Variants in TMEM232 observed in about 807,000 individuals in gnomAD.
TMEM232 encodes the protein transmembrane protein 232.
In TMEM232, 80 loss-of-function variants were observed where a neutral mutation model predicts 78.8. The observed-to-expected ratio is 1.01, with a 90% CI of 0.85 to 1.22. The LOEUF (loss-of-function observed/expected upper bound fraction) is 1.22, where lower values mean the gene tolerates loss of function less well. Ranked by LOEUF, TMEM232 falls within the 50% of genes most tolerant of loss-of-function variation. The pLI is 0.00. For synonymous variants in TMEM232, 297 were observed against 254.3 expected, an observed-to-expected ratio of 1.17 and a Z score of -1.60; for missense variants, 881 against 742.2, an observed-to-expected ratio of 1.19 and a Z score of -2.17.
At chr5:110,533,604 T>G (rs1288416906) in intron 11 of TMEM232, among the ~76,000 whole-genome samples, 1 of 152,192 alleles carries the variant, frequency 6.6e-6, no homozygotes. Context: ...TGCATATACT[T>G]TCTGCTCCCC....
chr5:110,702,607 G>T (rs544988528), intron 1 of TMEM232, among the ~76,000 whole-genome samples: 4 of 152,114 alleles, frequency 2.6e-5, no homozygotes, highest in African/African-American at 9.6e-5. Flanking sequence ...CAGTTGATGA[G>T]ATAACTCATT....
At chr5:110,719,108 ACT>A (rs905421947) in intron 1 of TMEM232, among the ~76,000 whole-genome samples, 1 of 151,994 alleles carries the variant, frequency 6.6e-6, no homozygotes, top group African/African-American at 2.4e-5. Context: ...TTATGGGACC[ACT>A]GTCATATATG....
At chr5:110,678,080 T>C (rs1184566806) in intron 1 of TMEM232, among the ~76,000 whole-genome samples, 2 of 152,158 alleles carry the variant, frequency 1.3e-5, no homozygotes, top group African/African-American at 4.8e-5. Context: ...ATTTATTTGT[T>C]TAGAGACAGA....
At chr5:110,460,292 A>T (rs1366646516) in intron 12 of TMEM232, among the ~76,000 whole-genome samples, 2 of 149,396 alleles carry the variant, frequency 1.3e-5, no homozygotes, top group African/African-American at 2.4e-5. Context: ...TGTATAAGTA[A>T]GTGTGTGTGT....
chr5:110,461,256 A>T (rs1252326904), intron 12 of TMEM232, among the ~76,000 whole-genome samples: 1 of 123,248 alleles, frequency 8.1e-6, no homozygotes, highest in African/African-American at 4.7e-5. Flanking sequence ...ATGAATGATT[A>T]AAAAAAAAAG....
At chr5:110,574,361 C>A (rs1777328320) in intron 10 of TMEM232, among the ~76,000 whole-genome samples, 1 of 152,052 alleles carries the variant, frequency 6.6e-6, no homozygotes, top group African/African-American at 2.4e-5. Context: ...ATAGTTTGGA[C>A]TTGGCAAAGG....
intron 8 of TMEM232, among the ~76,000 whole-genome samples, chr5:110,608,855 T>C (rs1781829812): frequency 6.6e-6 from 1 of 152,070 alleles, no homozygotes; most frequent in South Asian, 2.1e-4. Context: ...TGTGAACTCA[T>C]TATAATTCAG....
At chr5:110,641,145 T>C in intron 3 of TMEM232, 149 bp from the exon 4 acceptor site, 1 of 464,158 alleles carries the variant, frequency 2.2e-6, no homozygotes, top group Non-Finnish European at 3.5e-6. Context: ...ATTTTTGCTT[T>C]TATTACTCAA....
chr5:110,598,782 G>C lies in TMEM232; in HGVS notation c.1276+6327C>G, dbSNP rs143622661. On this transcript the variant is annotated intron_variant, in intron 10 of 13. Coordinates refer to ENST00000455884, the MANE Select transcript of TMEM232 (RefSeq NM_001039763.4). ...AAGGACAAAAAACCAAACACCGCATGTTCTCACTCATAGATGGGAATTGAA... is the reference window on the plus strand; with the variant it reads ...AAGGACAAAAAACCAAACACCGCATCTTCTCACTCATAGATGGGAATTGAA... Among the ~76,000 whole-genome samples, 831 of 146,172 alleles carry C rather than the reference G, an allele frequency of 5.7e-3. 8 individuals are homozygous for C. The highest frequency in any genetic ancestry group is 0.02 in the African/African-American group (788 of 39,584).
intron 6 of TMEM232, among the ~76,000 whole-genome samples, chr5:110,626,742 T>TGCTCC (rs1450785584): frequency 2.6e-5 from 4 of 152,098 alleles, no homozygotes; most frequent in Non-Finnish European, 5.9e-5. Context: ...CCACTGGGTA[T>TGCTCC]GCTCCCAAGA....
At chr5:110,644,908 A>G (rs771595482) in intron 2 of TMEM232, among the ~76,000 whole-genome samples, 3 of 151,512 alleles carry the variant, frequency 2.0e-5, no homozygotes, top group Non-Finnish European at 4.4e-5. Context: ...GAAAGTGAAA[A>G]CATTATAACA....
At chr5:110,692,530 G>T (rs149515540) in intron 1 of TMEM232, among the ~76,000 whole-genome samples, 1,792 of 152,330 alleles carry the variant, frequency 0.012, 44 homozygotes, top group African/African-American at 0.04. Context: ...GCGCAAGGAG[G>T]CAGGGAATTC....
intron 1 of TMEM232, among the ~76,000 whole-genome samples, chr5:110,703,776 G>C (rs2150284902): frequency 6.6e-6 from 1 of 152,110 alleles, no homozygotes; most frequent in Non-Finnish European, 1.5e-5. Flanking sequence ...TGTAAAATCA[G>C]GCCCATTTTC....
chr5:110,648,744 A>G (rs1238981729), intron 2 of TMEM232, among the ~76,000 whole-genome samples: 1 of 152,090 alleles, frequency 6.6e-6, no homozygotes, highest in Non-Finnish European at 1.5e-5. Flanking sequence ...AATAAACTAT[A>G]AATACCTTAT....
chr5:110,402,765 TA>T (rs1349324968), intron 2 of TMEM232, among the ~76,000 whole-genome samples: 1 of 152,124 alleles, frequency 6.6e-6, no homozygotes, highest in Non-Finnish European at 1.5e-5. Flanking sequence ...GATGTCCAGA[TA>T]GCCTACAATG....
intron 12 of TMEM232, among the ~76,000 whole-genome samples, chr5:110,527,725 T>A (rs551315776): frequency 2.0e-5 from 3 of 152,006 alleles, no homozygotes; most frequent in African/African-American, 7.2e-5. Context: ...TCACAGCCTA[T>A]CAGGAATGAA....
chr5:110,502,482 G>T (rs1433164447), intron 12 of TMEM232, among the ~76,000 whole-genome samples: 1 of 152,172 alleles, frequency 6.6e-6, no homozygotes, highest in Non-Finnish European at 1.5e-5. Context: ...AGGAATAAAA[G>T]AAACATCAGT....
chr5:110,472,367 A>G (rs1370371553), intron 12 of TMEM232, among the ~76,000 whole-genome samples: 1 of 151,994 alleles, frequency 6.6e-6, no homozygotes, highest in Admixed American at 6.6e-5. Flanking sequence ...AACAAAAACT[A>G]TAAAACACTG....
At chr5:110,402,684 T>C (rs189323965) in intron 2 of TMEM232, among the ~76,000 whole-genome samples, 1 of 152,224 alleles carries the variant, frequency 6.6e-6, no homozygotes, top group East Asian at 1.9e-4. Flanking sequence ...ATGCTGCTGA[T>C]GACAAGCAAC....
Sources: gnomAD v4.1 joint callset for allele counts (sites outside exome capture counted in the v4.1 genomes callset) on GRCh38, gnomAD v4.1.1 for gene constraint, MANE v1.5 for transcripts, NCBI Gene and HGNC (gene_info 2026-07-23, HGNC 2026-07-21) for gene names.